The following STAMBP variants were observed in gnomAD, a reference collection of about 807,000 sequenced individuals.
STAMBP encodes STAM binding protein.
STAMBP carries 31 observed loss-of-function variants against 50.7 expected under a neutral mutation model. That is an observed-to-expected ratio of 0.61 (90% CI 0.46 to 0.83). STAMBP has a LOEUF of 0.83. Ranked by LOEUF, STAMBP falls within the 40% of genes least tolerant of loss-of-function variation. The pLI is 0.00. For synonymous variants in STAMBP, 211 were observed against 192.4 expected (o/e 1.10, Z -0.80); for missense variants, 472 against 518.9 (o/e 0.91, Z 0.88).
At chr2:73,856,407 A>G (rs896490266) in intron 7 of STAMBP, among the ~76,000 whole-genome samples, 8 of 152,250 alleles carry the variant, frequency 5.3e-5, no homozygotes, top group African/African-American at 9.6e-5. Context: ...GGTATGTACC[A>G]TCTGTTCCAG....
chr2:73,834,209 TAAAAAA>T (rs1171586160), intron 2 of STAMBP, among the ~76,000 whole-genome samples: 39 of 8,514 alleles, frequency 4.6e-3, no homozygotes, highest in African/African-American at 0.011. Context: ...GATCATGTCT[TAAAAAA>T]AAAAAAAAAA....
chr2:73,834,223 AAAAAAAAAAAAAAATATATATAT>A (rs1290106528), intron 2 of STAMBP, among the ~76,000 whole-genome samples: 6 of 25,952 alleles, frequency 2.3e-4, no homozygotes, highest in African/African-American at 6.6e-4. Context: ...AAAAAAAAAA[AAAAAAAAAAAAAAATATATATAT>A]ATATATATAT....
chr2:73,867,343 G>A (rs1342996975), downstream of STAMBP, among the ~76,000 whole-genome samples: 4 of 151,646 alleles, frequency 2.6e-5, no homozygotes, highest in African/African-American at 9.7e-5. Flanking sequence ...TCAGGAGTTT[G>A]AGACCAGCCT....
intron 2 of STAMBP, among the ~76,000 whole-genome samples, chr2:73,841,460 C>A (rs1202360036): frequency 6.6e-6 from 1 of 152,188 alleles, no homozygotes; most frequent in Non-Finnish European, 1.5e-5. Flanking sequence ...TTAAGTGTCA[C>A]AGCAAGCCTG....
intron 9 of STAMBP, among the ~76,000 whole-genome samples, chr2:73,861,611 C>G (rs574272258): frequency 2.0e-5 from 3 of 152,016 alleles, no homozygotes; most frequent in Admixed American, 2.0e-4. Context: ...CTCTGCCCCC[C>G]AGGTTCAAAC....
rs1386199404 is a variant in STAMBP at position 73,864,107 on chromosome 2, CTA to C, written c.*1849_*1850del. The C allele has an allele frequency of 6.6e-6, 1 of 152,196 alleles. No homozygotes were observed. The highest frequency in any genetic ancestry group is 6.5e-5 in the Admixed American group (1 of 15,268). 9.4% of individuals were successfully genotyped at this position (152,196 alleles called of 1,614,324 possible). A position where few individuals can be genotyped will look rare whatever the true frequency, so the allele number is the denominator to read the frequency against. On this transcript the variant is annotated 3_prime_UTR_variant, in exon 10 of 10. Coordinates refer to ENST00000394070, the MANE Select transcript of STAMBP (RefSeq NM_213622.4). The stretch of plus-strand genomic sequence containing the variant: ...CCCCCCACCAATTAAAGCTGAATCT[CTA>C]GGGTGGAGCCTCAGATGTTGTTTCT...
intron 5 of STAMBP, 63 bp from the exon 6 acceptor site, chr2:73,849,300 G>C: frequency 6.2e-7 from 1 of 1,609,994 alleles, no homozygotes; most frequent in Non-Finnish European, 8.5e-7. Flanking sequence ...GCTGCTGGCT[G>C]TGAGGTCTGC....
At chr2:73,837,840 G>A (rs945531764) in intron 2 of STAMBP, among the ~76,000 whole-genome samples, 1 of 152,132 alleles carries the variant, frequency 6.6e-6, no homozygotes, top group Non-Finnish European at 1.5e-5. Context: ...AAGGAGCCTA[G>A]GACTGAGCCC....
intron 2 of STAMBP, among the ~76,000 whole-genome samples, chr2:73,843,246 G>T (rs1416309452): frequency 7.0e-6 from 1 of 143,448 alleles, no homozygotes; most frequent in Non-Finnish European, 1.5e-5. Context: ...CACCCAGGCT[G>T]GAGTGCAGTG....
In STAMBP at chr2:73,864,985, C is replaced by G. The variant is rs963733637; in HGVS notation, c.*2726C>G. 1 of 152,246 alleles carries G rather than the reference C, an allele frequency of 6.6e-6. No homozygotes were observed. Among genetic ancestry groups the G allele is most frequent in the East Asian group, 1.9e-4 (1 of 5,192 alleles). 9.4% of individuals were successfully genotyped at this position (152,246 alleles called of 1,614,324 possible). A position where few individuals can be genotyped will look rare whatever the true frequency, so the allele number is the denominator to read the frequency against. ...GCTTTTGTAATATTGTCTTGGGTACCAGATACCATAAAAGGCAGCATGAGA... is the reference window on the plus strand; with the variant it reads ...GCTTTTGTAATATTGTCTTGGGTACGAGATACCATAAAAGGCAGCATGAGA... On this transcript the variant is annotated 3_prime_UTR_variant, in exon 10 of 10. Coordinates refer to ENST00000394070, the MANE Select transcript of STAMBP (RefSeq NM_213622.4).
intron 1 of STAMBP, 33 bp from the exon 2 acceptor site, chr2:73,830,812 C>T (rs1161052220): frequency 3.2e-6 from 5 of 1,555,950 alleles, no homozygotes; most frequent in African/African-American, 1.4e-5. Context: ...ATGAGGGCAA[C>T]GGTATTGATG....
At position 73,859,439 on chromosome 2, in the gene STAMBP, CT is replaced by C; in HGVS notation, c.1118+74del. 11 of 1,198,738 alleles carry C rather than the reference CT, an allele frequency of 9.2e-6. No homozygotes were observed. In the South Asian group the frequency reaches 1.3e-4, roughly 15 times the overall value. The allele number at this position is 1,198,738 out of a possible 1,614,324, so 74.3% of individuals were successfully genotyped here. ...AAGAAAGCCTCAGGGGAAAAGGTCT[CT>C]ATTCTTGTGGACTTGTCCTTTGTAA... On this transcript the variant is annotated intron_variant, in intron 8 of 9. Coordinates refer to ENST00000394070, the MANE Select transcript of STAMBP (RefSeq NM_213622.4).
chr2:73,847,895 T>A (rs1676333974), intron 5 of STAMBP, 142 bp downstream of exon 5: 1 of 1,118,012 alleles, frequency 8.9e-7, no homozygotes, highest in African/African-American at 1.6e-5. Context: ...ATTGCTGTAC[T>A]GTGTCCTAAT....
intron 7 of STAMBP, among the ~76,000 whole-genome samples, chr2:73,856,837 G>A (rs1677608001): frequency 6.6e-6 from 1 of 152,140 alleles, no homozygotes; most frequent in African/African-American, 2.4e-5. Context: ...GGTGATCTTT[G>A]TGCAGCAGGT....
chr2:73,857,068 C>T (rs577433437), intron 7 of STAMBP, among the ~76,000 whole-genome samples: 1 of 152,208 alleles, frequency 6.6e-6, no homozygotes, highest in Non-Finnish European at 1.5e-5. Context: ...GCATTGAATT[C>T]TTCTGCCTTG....
rs1678557296 is a variant in STAMBP at position 73,863,325 on chromosome 2, G to A, written c.*1066G>A. ...TTGTTACTGCAATTTTCTGTGAGCT[G>A]AGCCTGGTGTTCTAGGTGGCCTAGA... On this transcript the variant is annotated 3_prime_UTR_variant, in exon 10 of 10. Transcript: ENST00000394070. 6.6e-6 allele frequency: 1 copy of A among 152,194 alleles called. No individual in the cohort carries two copies. The highest frequency in any genetic ancestry group is 1.5e-5 in the Non-Finnish European group (1 of 68,040). 9.4% of individuals were successfully genotyped at this position (152,194 alleles called of 1,614,324 possible). A position where few individuals can be genotyped will look rare whatever the true frequency, so the allele number is the denominator to read the frequency against.
intron 4 of STAMBP, 73 bp from the exon 5 acceptor site, chr2:73,847,314 A>G (rs1676239352): frequency 5.3e-6 from 8 of 1,513,972 alleles, no homozygotes; most frequent in Non-Finnish European, 7.1e-6. Context: ...TCTCCATGCT[A>G]AAAAGCCTTG....
chr2:73,843,914 A>C (rs571116546), intron 2 of STAMBP, among the ~76,000 whole-genome samples: 5 of 152,370 alleles, frequency 3.3e-5, no homozygotes, highest in African/African-American at 1.2e-4. Flanking sequence ...TTCTGTTAAA[A>C]GACATCTTTG....
At chr2:73,835,661 CACTT>C (rs1212873592) in intron 2 of STAMBP, among the ~76,000 whole-genome samples, 1 of 152,104 alleles carries the variant, frequency 6.6e-6, no homozygotes, top group Non-Finnish European at 1.5e-5. Flanking sequence ...ACTTACTAAT[CACTT>C]AGGAAAAAAG....
Sources: allele counts gnomAD v4.1 joint callset (sites outside exome capture counted in the v4.1 genomes callset), GRCh38; gene constraint gnomAD v4.1.1; transcripts MANE v1.5; gene names NCBI Gene and HGNC (gene_info 2026-07-23, HGNC 2026-07-21).